Variants in CDH2 observed in about 807,000 individuals in gnomAD.
The protein encoded by CDH2 is cadherin 2.
In CDH2, 17 loss-of-function variants were observed where a neutral mutation model predicts 92.0. The ratio of observed to expected loss-of-function variants is 0.18; its 90% confidence interval spans 0.13 to 0.28. CDH2 has a LOEUF of 0.28. Among genes scored for constraint, CDH2 ranks in the 10% least tolerant of loss-of-function variants. The probability of loss-of-function intolerance (pLI) is 1.00; values close to 1 mark genes in which losing one functional copy is unlikely to be tolerated. For synonymous variants in CDH2, 419 were observed against 415.9 expected (o/e 1.01, Z -0.09); for missense variants, 862 against 1,133.1 (o/e 0.76, Z 3.44).
intron 1 of CDH2, among the ~76,000 whole-genome samples, chr18:28,162,079 T>C (rs1173399846): frequency 2.0e-5 from 3 of 152,218 alleles, no homozygotes; most frequent in African/African-American, 7.2e-5. Flanking sequence ...GTTCTCTATG[T>C]ACTGATTCTT....
chr18:27,944,790 C>T (rs1484617257), intron 6 of CDH2, among the ~76,000 whole-genome samples: 1 of 150,866 alleles, frequency 6.6e-6, no homozygotes, highest in African/African-American at 2.4e-5. Context: ...CAGGCACACC[C>T]TAGTCCCAGC....
At chr18:28,004,173 C>CT (rs368718203) in intron 6 of CDH2, among the ~76,000 whole-genome samples, 124 of 152,180 alleles carry the variant, frequency 8.1e-4, no homozygotes, top group African/African-American at 2.9e-3. Flanking sequence ...TGTGTACTTC[C>CT]TTGTTTGCAT....
chr18:28,065,063 T>C (rs2014480485), intron 2 of CDH2, among the ~76,000 whole-genome samples: 2 of 152,164 alleles, frequency 1.3e-5, no homozygotes, highest in Non-Finnish European at 1.5e-5. Context: ...GAAGCTGTGG[T>C]ACAAGTCAAG....
intron 1 of CDH2, among the ~76,000 whole-genome samples, chr18:28,161,210 G>C (rs191498338): frequency 6.6e-6 from 1 of 152,318 alleles, no homozygotes; most frequent in Admixed American, 6.5e-5. Context: ...TTCCAGAGCA[G>C]AGCCTGGTTT....
intron 2 of CDH2, among the ~76,000 whole-genome samples, chr18:28,136,075 A>G (rs1458999647): frequency 1.3e-5 from 2 of 152,360 alleles, no homozygotes; most frequent in East Asian, 1.9e-4. Flanking sequence ...AATGCACAAT[A>G]CATGCCAAAT....
chr18:28,164,043 A>G (rs1450069295), intron 1 of CDH2, among the ~76,000 whole-genome samples: 5 of 152,184 alleles, frequency 3.3e-5, no homozygotes, highest in African/African-American at 9.7e-5. Flanking sequence ...TTGTCCTTTA[A>G]ATAGTACACA....
chr18:28,121,461 C>T (rs984584324), intron 2 of CDH2, among the ~76,000 whole-genome samples: 3 of 151,994 alleles, frequency 2.0e-5, no homozygotes, highest in Non-Finnish European at 4.4e-5. Flanking sequence ...CTCCCCTAAC[C>T]TCTACATTTG....
intron 2 of CDH2, among the ~76,000 whole-genome samples, chr18:28,055,354 C>A (rs999174900): frequency 3.3e-5 from 5 of 152,076 alleles, no homozygotes; most frequent in African/African-American, 1.2e-4. Context: ...GGGGACACAG[C>A]CAATCCATAT....
intron 2 of CDH2, among the ~76,000 whole-genome samples, chr18:28,050,686 T>C (rs1304689730): frequency 2.6e-5 from 4 of 152,166 alleles, no homozygotes; most frequent in Admixed American, 6.5e-5. Context: ...AATGCCTTTT[T>C]CACTTTTGTT....
intron 14 of CDH2, among the ~76,000 whole-genome samples, chr18:27,966,239 G>C (rs1410915149): frequency 6.6e-6 from 1 of 152,132 alleles, no homozygotes; most frequent in South Asian, 2.1e-4. Context: ...GGTGAAAAAT[G>C]TTTTATTAGA....
chr18:28,007,247 G>T (rs2012961712), intron 5 of CDH2, among the ~76,000 whole-genome samples: 1 of 146,780 alleles, frequency 6.8e-6, no homozygotes, highest in African/African-American at 2.5e-5. Context: ...AGTTTTATAG[G>T]TATTCTTCTA....
intron 2 of CDH2, among the ~76,000 whole-genome samples, chr18:28,024,213 A>T (rs11564318): frequency 0.036 from 5,406 of 152,204 alleles, 146 homozygotes; most frequent in African/African-American, 0.075. Flanking sequence ...TGTGAGAATA[A>T]TTATAATGGC....
At chr18:28,165,356 C>A (rs2016362567) in intron 1 of CDH2, among the ~76,000 whole-genome samples, 1 of 152,030 alleles carries the variant, frequency 6.6e-6, no homozygotes, top group African/African-American at 2.4e-5. Context: ...CTACCAAACC[C>A]AGCTAGTTAT....
At chr18:28,050,143 T>C (rs1440167590) in intron 2 of CDH2, among the ~76,000 whole-genome samples, 2 of 152,154 alleles carry the variant, frequency 1.3e-5, no homozygotes, top group African/African-American at 4.8e-5. Flanking sequence ...GAAGAGTGAT[T>C]GTCGTTTTAA....
chr18:27,956,012 T>A (rs191081541), intron 15 of CDH2, among the ~76,000 whole-genome samples: 3 of 152,260 alleles, frequency 2.0e-5, no homozygotes, highest in Admixed American at 2.0e-4. Context: ...AGGTATTATA[T>A]AAACTCTTGG....
intron 2 of CDH2, among the ~76,000 whole-genome samples, chr18:28,139,725 T>G (rs1434394678): frequency 6.6e-6 from 1 of 152,028 alleles, no homozygotes; most frequent in Non-Finnish European, 1.5e-5. Context: ...ATTTCTCCCC[T>G]TAACTCTAAC....
intron 1 of CDH2, among the ~76,000 whole-genome samples, chr18:28,173,393 T>G (rs1316138286): frequency 6.6e-6 from 1 of 152,178 alleles, no homozygotes; most frequent in African/African-American, 2.4e-5. Context: ...TTAACTCTTC[T>G]TATTTTCACA....
intron 2 of CDH2, among the ~76,000 whole-genome samples, chr18:28,065,197 A>G (rs1477906736): frequency 6.6e-6 from 1 of 152,138 alleles, no homozygotes; most frequent in Non-Finnish European, 1.5e-5. Context: ...CCAGAAACTC[A>G]TTCACCAAGG....
At chr18:28,118,605 G>T (rs1255126578) in intron 2 of CDH2, among the ~76,000 whole-genome samples, 1 of 151,960 alleles carries the variant, frequency 6.6e-6, no homozygotes, top group African/African-American at 2.4e-5. Flanking sequence ...GTGTGTGTGT[G>T]TGTGTGTGCG....
Sources: gnomAD v4.1 joint callset for allele counts (sites outside exome capture counted in the v4.1 genomes callset) on GRCh38, gnomAD v4.1.1 for gene constraint, MANE v1.5 for transcripts, NCBI Gene and HGNC (gene_info 2026-07-23, HGNC 2026-07-21) for gene names.